The following ULK4 variants were observed in gnomAD, a reference collection of about 807,000 sequenced individuals.
ULK4 encodes inactive serine/threonine-protein kinase ULK4.
In ULK4, 133 loss-of-function variants were observed where a neutral mutation model predicts 160.6. That is an observed-to-expected ratio of 0.83 (90% CI 0.72 to 0.96). The LOEUF (loss-of-function observed/expected upper bound fraction) is 0.96, where lower values mean the gene tolerates loss of function less well. Among genes scored for constraint, ULK4 ranks in the 40% least tolerant of loss-of-function variants. The pLI is 0.00. For synonymous variants in ULK4, 534 were observed against 539.8 expected (o/e 0.99, Z 0.15); for missense variants, 1,580 against 1,499.5 (o/e 1.05, Z -0.89).
At position 41,324,975 on chromosome 3, in the gene ULK4, G is replaced by A. The variant is rs576979485; in HGVS notation, c.3678+73104C>T. ...AGAGTAAAAACAAATGACCATGACC[G>A]TCTTTCCAAAGAAGGTAACTACCCA... On this transcript the variant is annotated intron_variant, in intron 35 of 36. Coordinates refer to ENST00000301831, the MANE Select transcript of ULK4 (RefSeq NM_017886.4). Among the ~76,000 whole-genome samples the A allele has an allele frequency of 6.4e-4, 98 of 152,234 alleles. 1 individual carries two copies. The highest frequency in any genetic ancestry group is 1.8e-3 in the Admixed American group (27 of 15,276).
intron 19 of ULK4, among the ~76,000 whole-genome samples, chr3:41,816,626 G>A (rs1174830956): frequency 3.9e-5 from 6 of 152,160 alleles, no homozygotes; most frequent in African/African-American, 1.2e-4. Flanking sequence ...ACTAGCCTGG[G>A]CGACATGGTG....
At chr3:41,496,913 G>GA (rs1313288099) in intron 32 of ULK4, among the ~76,000 whole-genome samples, 2 of 151,516 alleles carry the variant, frequency 1.3e-5, no homozygotes, top group African/African-American at 2.4e-5. Flanking sequence ...GTAACACCCA[G>GA]AAAAAAACTC....
At chr3:41,901,078 C>T (rs1698334622) in intron 12 of ULK4, among the ~76,000 whole-genome samples, 1 of 151,732 alleles carries the variant, frequency 6.6e-6, no homozygotes, top group Non-Finnish European at 1.5e-5. Context: ...CTCATGTTAC[C>T]ACTAAGTCTG....
At chr3:41,609,252 T>C (rs2032545292) in intron 31 of ULK4, among the ~76,000 whole-genome samples, 2 of 152,184 alleles carry the variant, frequency 1.3e-5, no homozygotes, top group Admixed American at 1.3e-4. Flanking sequence ...CATTTACTAA[T>C]ATGTTTATTA....
At chr3:41,305,636 T>A (rs887115076) in intron 35 of ULK4, among the ~76,000 whole-genome samples, 2 of 151,954 alleles carry the variant, frequency 1.3e-5, no homozygotes, top group Non-Finnish European at 2.9e-5. Flanking sequence ...TCTGCCCGGC[T>A]GCCACCCCGT....
At chr3:41,469,602 CAAAAAAAAAAAAA>C (rs71616008) in intron 32 of ULK4, among the ~76,000 whole-genome samples, 10 of 11,312 alleles carry the variant, frequency 8.8e-4, no homozygotes, top group African/African-American at 1.3e-3. Context: ...CTACACCTGC[CAAAAAAAAAAAAA>C]AAAAAAAAAA....
At chr3:41,463,274 G>GA (rs781485486) in intron 32 of ULK4, 21 bp from the exon 33 acceptor site, 10 of 1,594,206 alleles carry the variant, frequency 6.3e-6, no homozygotes, top group South Asian at 1.1e-5. Flanking sequence ...AAAAGGAAAA[G>GA]AAAAAAACCT....
Position 41,662,363 on chromosome 3 carries a change from G to T in ULK4, c.3071+1244C>A, listed in dbSNP as rs145494335. The stretch of plus-strand genomic sequence containing the variant: ...ATGGCATCCTTTGGAAATGGATGAG[G>T]GAAGGTAATAGGCTCGAGAACTACT... On this transcript the variant is annotated intron_variant, in intron 30 of 36. Coordinates refer to ENST00000301831, the MANE Select transcript of ULK4 (RefSeq NM_017886.4). Among the ~76,000 whole-genome samples the T allele has an allele frequency of 7.9e-5, 12 of 152,302 alleles. No homozygotes were observed. In the East Asian group the frequency reaches 2.3e-3, roughly 29 times the overall value.
At chr3:41,266,933 T>C (rs2079044797) in intron 35 of ULK4, among the ~76,000 whole-genome samples, 1 of 146,826 alleles carries the variant, frequency 6.8e-6, no homozygotes, top group African/African-American at 2.5e-5. Flanking sequence ...GTGGCTCCTC[T>C]GTGGCCACTA....
At chr3:41,353,159 C>T (rs907792865) in intron 35 of ULK4, among the ~76,000 whole-genome samples, 4 of 152,138 alleles carry the variant, frequency 2.6e-5, no homozygotes, top group Admixed American at 2.0e-4. Context: ...GCTTTGGTAC[C>T]CGTTGCTCCT....
At chr3:41,371,738 C>A (rs1267429349) in intron 35 of ULK4, among the ~76,000 whole-genome samples, 1 of 152,002 alleles carries the variant, frequency 6.6e-6, no homozygotes, top group Non-Finnish European at 1.5e-5. Context: ...AATGCCTATT[C>A]TCCAAATGAT....
At chr3:41,700,868 T>C (rs1200984922) in intron 27 of ULK4, among the ~76,000 whole-genome samples, 3 of 152,082 alleles carry the variant, frequency 2.0e-5, no homozygotes, top group Non-Finnish European at 4.4e-5. Context: ...CAGGAAATCA[T>C]AAAAAGCAAT....
At chr3:41,703,237 A>ATTT (rs35874978) in intron 27 of ULK4, among the ~76,000 whole-genome samples, 13 of 151,176 alleles carry the variant, frequency 8.6e-5, no homozygotes, top group African/African-American at 3.2e-4. Flanking sequence ...CAAAATATGT[A>ATTT]TTTTTTTTTC....
In ULK4 at chr3:41,587,147, T is replaced by G. The variant is rs73830275; in HGVS notation, c.3121-21017A>C. On this transcript the variant is annotated intron_variant, in intron 31 of 36. Coordinates refer to ENST00000301831, the MANE Select transcript of ULK4 (RefSeq NM_017886.4). ...GTTGATTGTGGTTGTAAGACTGAAGTGTCTGTTCTCTTACTGGCTGCTGGA... is the reference window on the plus strand; with the variant it reads ...GTTGATTGTGGTTGTAAGACTGAAGGGTCTGTTCTCTTACTGGCTGCTGGA... 3.3e-3 allele frequency among the ~76,000 whole-genome samples: 508 copies of G among 152,300 alleles called. 3 individuals are homozygous for G. Among genetic ancestry groups the G allele is most frequent in the African/African-American group, 0.012 (485 of 41,574 alleles).
At chr3:41,766,729 C>T (rs1213285014) in intron 21 of ULK4, 1 of 152,196 alleles carries the variant, frequency 6.6e-6, no homozygotes, top group African/African-American at 2.4e-5. Context: ...AGCATAGCTA[C>T]CTGTATACCC....
chr3:41,408,812 A>G (rs1310656122), intron 34 of ULK4, among the ~76,000 whole-genome samples: 2 of 152,182 alleles, frequency 1.3e-5, no homozygotes, highest in Non-Finnish European at 2.9e-5. Context: ...CTTTACATAT[A>G]TATCAATTGG....
chr3:41,332,879 T>C (rs191078425), intron 35 of ULK4, among the ~76,000 whole-genome samples: 69 of 152,308 alleles, frequency 4.5e-4, no homozygotes, highest in African/African-American at 1.6e-3. Context: ...AATGTTTTGT[T>C]CCCACTTACA....
Position 41,783,436 on chromosome 3 carries a change from C to G in ULK4, c.2193+6225G>C, listed in dbSNP as rs1380799576. Among the ~76,000 whole-genome samples, 10 of 151,592 alleles carry G rather than the reference C, an allele frequency of 6.6e-5. 1 individual carries two copies. Among genetic ancestry groups the G allele is most frequent in the Admixed American group, 5.3e-4 (8 of 15,166 alleles). On this transcript the variant is annotated intron_variant, in intron 21 of 36. Transcript: ENST00000301831. Reference sequence around the variant, plus strand: ...CCTATAACCCCAGCTACTTGGGAGGCTGAGACATAAGAATTGCTTGAACCA... The same window carrying G: ...CCTATAACCCCAGCTACTTGGGAGGGTGAGACATAAGAATTGCTTGAACCA...
chr3:41,507,985 C>T (rs553050648), intron 32 of ULK4, among the ~76,000 whole-genome samples: 1 of 152,246 alleles, frequency 6.6e-6, no homozygotes, highest in African/African-American at 2.4e-5. Context: ...CCTGAGATGC[C>T]AAAAAACTGT....
Sources: gnomAD v4.1 joint callset for allele counts (sites outside exome capture counted in the v4.1 genomes callset) on GRCh38, gnomAD v4.1.1 for gene constraint, MANE v1.5 for transcripts, NCBI Gene and HGNC (gene_info 2026-07-23, HGNC 2026-07-21) for gene names.